DCDC1: variants seen among roughly 807,000 people sequenced by gnomAD.
DCDC1 encodes the protein doublecortin domain containing 1.
Under a neutral mutation model 178.3 loss-of-function variants are expected in DCDC1, and 200 were observed. The observed-to-expected ratio is 1.12, with a 90% confidence interval of 1.00 to 1.26. The LOEUF (loss-of-function observed/expected upper bound fraction) is 1.26. Ranked by LOEUF, DCDC1 falls within the 50% of genes most tolerant of loss-of-function variation. The pLI, the probability that DCDC1 is intolerant of heterozygous loss-of-function variation, is 0.00. For synonymous variants in DCDC1, 690 were observed against 604.8 expected (o/e 1.14, Z -2.07); for missense variants, 1,983 against 1,749.2 (o/e 1.13, Z -2.38).
At chr11:31,154,533 G>C (rs1344086209) in intron 9 of DCDC1, among the ~76,000 whole-genome samples, 1 of 152,144 alleles carries the variant, frequency 6.6e-6, no homozygotes, top group Non-Finnish European at 1.5e-5. Flanking sequence ...CTCCTCTAAA[G>C]TGGGCTCTTA....
chr11:30,960,721 G>A (rs1949044345), intron 20 of DCDC1, among the ~76,000 whole-genome samples: 1 of 152,046 alleles, frequency 6.6e-6, no homozygotes, highest in Admixed American at 6.6e-5. Context: ...ATTTCTGATA[G>A]AAACGTTATA....
At chr11:31,137,855 A>G in intron 9 of DCDC1, 71 bp from the exon 10 acceptor site, 1 of 652,562 alleles carries the variant, frequency 1.5e-6, no homozygotes, top group African/African-American at 1.8e-5. Context: ...TATTCAAACA[A>G]CTAGTTAAGC....
At chr11:30,954,168 A>G (rs984400641) in intron 20 of DCDC1, among the ~76,000 whole-genome samples, 3 of 151,806 alleles carry the variant, frequency 2.0e-5, no homozygotes, top group African/African-American at 7.3e-5. Context: ...GGCGCCTGCC[A>G]CCACGCCCGG....
intron 6 of DCDC1, among the ~76,000 whole-genome samples, chr11:31,294,862 G>T (rs1292676545): frequency 1.6e-5 from 2 of 124,304 alleles, no homozygotes; most frequent in African/African-American, 6.1e-5. Flanking sequence ...AAGAAAGAAA[G>T]AAAGAAAAAG....
At chr11:31,281,574 A>G (rs1314852873) in intron 7 of DCDC1, among the ~76,000 whole-genome samples, 2 of 152,144 alleles carry the variant, frequency 1.3e-5, no homozygotes, top group Admixed American at 6.6e-5. Flanking sequence ...TGTTAAACCA[A>G]CTGATATGGT....
chr11:31,155,633 G>A (rs1247353575), intron 9 of DCDC1, among the ~76,000 whole-genome samples: 1 of 152,222 alleles, frequency 6.6e-6, no homozygotes, highest in Non-Finnish European at 1.5e-5. Context: ...TAACATCTTA[G>A]AAAGAAGGCA....
chr11:31,201,939 C>T (rs1359352255), intron 9 of DCDC1, among the ~76,000 whole-genome samples: 2 of 152,182 alleles, frequency 1.3e-5, no homozygotes, highest in Admixed American at 1.3e-4. Flanking sequence ...TTATACTTCT[C>T]AGGTTTTTTT....
intron 8 of DCDC1, among the ~76,000 whole-genome samples, chr11:31,257,319 A>G (rs1025377832): frequency 6.6e-6 from 1 of 152,206 alleles, no homozygotes; most frequent in Non-Finnish European, 1.5e-5. Flanking sequence ...AGTAACCTCT[A>G]TCAATCAAAG....
intron 11 of DCDC1, among the ~76,000 whole-genome samples, chr11:31,125,949 CA>C (rs1565317397): frequency 6.6e-6 from 1 of 151,518 alleles, no homozygotes; most frequent in Non-Finnish European, 1.5e-5. Context: ...AAATAAAATG[CA>C]AAAAAGGGAG....
intron 6 of DCDC1, among the ~76,000 whole-genome samples, chr11:31,300,588 C>T (rs997190471): frequency 6.6e-6 from 1 of 151,932 alleles, no homozygotes; most frequent in Non-Finnish European, 1.5e-5. Context: ...AGTCTAGTGT[C>T]CTTTAAAATA....
At chr11:30,909,849 T>A (rs949915554) in intron 28 of DCDC1, among the ~76,000 whole-genome samples, 3 of 152,168 alleles carry the variant, frequency 2.0e-5, no homozygotes, top group Admixed American at 6.5e-5. Context: ...TTGGCTCAAG[T>A]ACAAGTAAAG....
chr11:30,973,515 T>TACAAG (rs1949929750), intron 20 of DCDC1, among the ~76,000 whole-genome samples: 1 of 152,152 alleles, frequency 6.6e-6, no homozygotes, highest in Non-Finnish European at 1.5e-5. Context: ...GAAACTCACT[T>TACAAG]TATCTATAAA....
At chr11:31,019,740 C>T (rs1952742674) in intron 20 of DCDC1, among the ~76,000 whole-genome samples, 1 of 152,160 alleles carries the variant, frequency 6.6e-6, no homozygotes, top group Non-Finnish European at 1.5e-5. Context: ...TCCAGATCTC[C>T]ATGCTCAGCA....
chr11:31,174,074 C>T (rs1317515872), intron 9 of DCDC1, among the ~76,000 whole-genome samples: 1 of 152,136 alleles, frequency 6.6e-6, no homozygotes, highest in Non-Finnish European at 1.5e-5. Flanking sequence ...GGTGCAGCCA[C>T]CCAGCTGCAG....
At position 31,236,770 on chromosome 11, in the gene DCDC1, T is replaced by C. The variant is rs538938925; in HGVS notation, c.1221+4680A>G. On this transcript the variant is annotated intron_variant, in intron 9 of 38. Transcript: ENST00000684477. Reference sequence around the variant, plus strand: ...GACTATCACACTATTTTCATGTTTTTAATAGTATATTATGTTTATATATTA... The same window carrying C: ...GACTATCACACTATTTTCATGTTTTCAATAGTATATTATGTTTATATATTA... Among the ~76,000 whole-genome samples the C allele has an allele frequency of 2.0e-5, 3 of 152,172 alleles. No individual in the cohort carries two copies. In the South Asian group the frequency reaches 6.2e-4, roughly 32 times the overall value.
chr11:31,208,019 C>G (rs1972072104), intron 9 of DCDC1, among the ~76,000 whole-genome samples: 1 of 152,174 alleles, frequency 6.6e-6, no homozygotes, highest in African/African-American at 2.4e-5. Context: ...GTTGATCCTT[C>G]TTTTACTCAG....
chr11:31,346,408 G>A (rs1275052615), intron 1 of DCDC1, among the ~76,000 whole-genome samples: 1 of 144,062 alleles, frequency 6.9e-6, no homozygotes. Context: ...AGATTGCGGT[G>A]AGCCAAGATT....
At chr11:31,351,353 G>A (rs1419461495) in intron 1 of DCDC1, among the ~76,000 whole-genome samples, 1 of 152,050 alleles carries the variant, frequency 6.6e-6, no homozygotes, top group Non-Finnish European at 1.5e-5. Context: ...TAGGCACTGT[G>A]GTGGTTGCCA....
At chr11:30,927,776 T>C (rs904624734) in intron 22 of DCDC1, among the ~76,000 whole-genome samples, 1 of 152,160 alleles carries the variant, frequency 6.6e-6, no homozygotes, top group Admixed American at 6.5e-5. Flanking sequence ...AACCTCAAAA[T>C]TGTCTAGAGT....
Sources: allele counts gnomAD v4.1 joint callset (sites outside exome capture counted in the v4.1 genomes callset), GRCh38; gene constraint gnomAD v4.1.1; transcripts MANE v1.5; gene names NCBI Gene and HGNC (gene_info 2026-07-23, HGNC 2026-07-21).